Variants in LDAF1 observed in about 807,000 individuals in gnomAD.
The protein encoded by LDAF1 is PROMETHIN.
LDAF1 carries 7 observed loss-of-function variants against 13.5 expected under a neutral mutation model. That is an observed-to-expected ratio of 0.52 (90% CI 0.29 to 0.97). The LOEUF is 0.97. Ranked by LOEUF, LDAF1 falls within the 50% of genes least tolerant of loss-of-function variation. The pLI, the probability that LDAF1 is intolerant of heterozygous loss-of-function variation, is 0.07. For synonymous variants in LDAF1, 69 were observed against 77.1 expected (o/e 0.89, Z 0.55); for missense variants, 148 against 193.2 (o/e 0.77, Z 1.39).
intron 3 of LDAF1, chr16:21,172,617 ACT>A (rs1430097889): frequency 6.6e-6 from 1 of 152,478 alleles, no homozygotes; most frequent in Non-Finnish European, 1.5e-5. Flanking sequence ...ACAGAGCAAG[ACT>A]CTGTCTCTTA....
intron 2 of LDAF1, among the ~76,000 whole-genome samples, chr16:21,167,142 C>T (rs770108088): frequency 1.4e-4 from 21 of 152,214 alleles, no homozygotes; most frequent in Non-Finnish European, 2.9e-4. Flanking sequence ...TTTATTTAAG[C>T]AGGGTGCAGC....
intron 2 of LDAF1, chr16:21,166,979 G>C (rs1310848984): frequency 7.0e-7 from 1 of 1,434,180 alleles, no homozygotes; most frequent in African/African-American, 1.4e-5. Context: ...GCTTTTGTCA[G>C]AATGGTGGGG....
intron 3 of LDAF1, chr16:21,172,867 T>A: frequency 2.0e-6 from 2 of 984,356 alleles, no homozygotes; most frequent in Non-Finnish European, 2.4e-6. Context: ...CTTTTCAGGG[T>A]CCCTCCCTGA....
intron 4 of LDAF1, chr16:21,179,274 C>T (rs754347317): frequency 1.0e-5 from 8 of 791,806 alleles, no homozygotes; most frequent in African/African-American, 1.9e-5. Context: ...GAAAAGGGGC[C>T]GTAACCCTAC....
At chr16:21,171,473 T>G (rs1342792994) in intron 3 of LDAF1, among the ~76,000 whole-genome samples, 3 of 151,544 alleles carry the variant, frequency 2.0e-5, no homozygotes, top group Non-Finnish European at 1.5e-5. Flanking sequence ...CCTGGCAGAG[T>G]GGTTTTTGAG....
At chr16:21,168,227 C>A (rs1279584298) in intron 2 of LDAF1, among the ~76,000 whole-genome samples, 1 of 151,422 alleles carries the variant, frequency 6.6e-6, no homozygotes, top group Non-Finnish European at 1.5e-5. Context: ...GTTAGCCAGG[C>A]TGTTCTTGAA....
intron 2 of LDAF1, chr16:21,166,895 G>A: frequency 6.5e-7 from 1 of 1,535,652 alleles, no homozygotes; most frequent in Non-Finnish European, 8.7e-7. Flanking sequence ...TCCAGGCTGG[G>A]CAGTGCTGGC....
intron 4 of LDAF1, chr16:21,178,404 G>C (rs917899599): frequency 2.0e-6 from 2 of 984,904 alleles, no homozygotes; most frequent in Non-Finnish European, 2.4e-6. Context: ...TTTGTTATCA[G>C]GGAGGAATGG....
chr16:21,168,586 TATA>T (rs2093049449), intron 2 of LDAF1, among the ~76,000 whole-genome samples: 2 of 143,522 alleles, frequency 1.4e-5, no homozygotes, highest in South Asian at 2.1e-4. Flanking sequence ...AATATATTTA[TATA>T]ATATATAATA....
intron 4 of LDAF1, 23 bp from the exon 5 acceptor site, chr16:21,179,452 G>A (rs761815395): frequency 2.5e-6 from 4 of 1,613,868 alleles, no homozygotes; most frequent in African/African-American, 1.3e-5. Flanking sequence ...TAGAGCTAAC[G>A]ATCTCTTCTT....
At chr16:21,159,430 T>G (rs1450405247) in intron 1 of LDAF1, 2 of 1,613,942 alleles carry the variant, frequency 1.2e-6, no homozygotes, top group Non-Finnish European at 1.7e-6. Context: ...CGAGGCGCCC[T>G]GTAGCTCCCA....
At position 21,164,858 on chromosome 16, in the gene LDAF1, G is replaced by A. The variant is rs529020714; in HGVS notation, c.96+3580G>A. ...ATGAGAATGAAATGTTAATTGCTAC[G>A]TTCTACCCCCCTGAGTTTAAATAGT... On this transcript the variant is annotated intron_variant, in intron 2 of 4. Coordinates refer to ENST00000233047, the MANE Select transcript of LDAF1 (RefSeq NM_001301771.2). 7.6e-4 allele frequency among the ~76,000 whole-genome samples: 116 copies of A among 152,242 alleles called. 1 individual carries two copies. The highest frequency in any genetic ancestry group is 2.7e-3 in the African/African-American group (111 of 41,516).
intron 3 of LDAF1, among the ~76,000 whole-genome samples, 191 bp downstream of exon 3, chr16:21,170,796 A>G (rs182642774): frequency 1.5e-3 from 223 of 152,180 alleles, no homozygotes; most frequent in Non-Finnish European, 2.3e-3. Flanking sequence ...ATGGGCTACC[A>G]TGCCTGGTTG....
At chr16:21,160,916 C>A in intron 1 of LDAF1, 169 bp from the exon 2 acceptor site, 1 of 709,674 alleles carries the variant, frequency 1.4e-6, no homozygotes, top group Non-Finnish European at 2.0e-6. Context: ...CCATCATGTT[C>A]CTGGAATATA....
intron 2 of LDAF1, 187 bp from the exon 3 acceptor site, chr16:21,170,250 G>A (rs913591766): frequency 8.3e-6 from 8 of 963,792 alleles, no homozygotes; most frequent in African/African-American, 5.3e-5. Context: ...TGATCCGCTC[G>A]CCTTGGCCTC....
chr16:21,161,862 G>A (rs2092978270), intron 2 of LDAF1, among the ~76,000 whole-genome samples: 1 of 152,080 alleles, frequency 6.6e-6, no homozygotes, highest in East Asian at 1.9e-4. Context: ...AAAGAAATAG[G>A]TAAAATTAAT....
At chr16:21,159,141 G>T (rs758991731) in intron 1 of LDAF1, among the ~76,000 whole-genome samples, 3 of 151,834 alleles carry the variant, frequency 2.0e-5, no homozygotes, top group Non-Finnish European at 4.4e-5. Flanking sequence ...TATTGAAAAC[G>T]GGCGCCTTCC....
chr16:21,178,311 T>C, intron 4 of LDAF1: 1 of 985,340 alleles, frequency 1.0e-6, no homozygotes, highest in African/African-American at 1.7e-5. Flanking sequence ...CACTACCCCA[T>C]ATCATAATCT....
chr16:21,176,912 AAAAG>A (rs2093143701), intron 4 of LDAF1, among the ~76,000 whole-genome samples: 1 of 151,634 alleles, frequency 6.6e-6, no homozygotes. Context: ...AAAAAAAAAA[AAAAG>A]AATATTAATA....
Sources: allele counts gnomAD v4.1 joint callset (sites outside exome capture counted in the v4.1 genomes callset), GRCh38; gene constraint gnomAD v4.1.1; transcripts MANE v1.5; gene names NCBI Gene and HGNC (gene_info 2026-07-23, HGNC 2026-07-21).